The following DGKB variants were observed in gnomAD, a reference collection of about 807,000 sequenced individuals.
DGKB encodes the protein 90 kDa diacylglycerol kinase.
A neutral mutation model predicts 114.3 loss-of-function variants in DGKB; 67 were observed. The ratio of observed to expected loss-of-function variants is 0.59; its 90% CI spans 0.48 to 0.72. The LOEUF is 0.72. DGKB is among the 30% of genes least tolerant of loss of function. DGKB has a pLI of 0.00. For missense variants in DGKB, 907 were observed against 975.2 expected (o/e 0.93, Z 0.93); for synonymous variants, 398 against 323.1 (o/e 1.23, Z -2.49).
intron 21 of DGKB, among the ~76,000 whole-genome samples, chr7:14,400,804 A>G (rs561871031): frequency 2.0e-5 from 3 of 151,878 alleles, no homozygotes; most frequent in African/African-American, 7.2e-5. Flanking sequence ...TATATGTGTT[A>G]TAAGTATCTT....
chr7:14,238,097 T>C (rs1295387064), intron 23 of DGKB, among the ~76,000 whole-genome samples: 1 of 152,046 alleles, frequency 6.6e-6, no homozygotes, highest in Non-Finnish European at 1.5e-5. Context: ...TCATAACCCT[T>C]TTATCAGAAA....
intron 21 of DGKB, among the ~76,000 whole-genome samples, chr7:14,434,379 G>A (rs1583910409): frequency 6.6e-6 from 1 of 152,152 alleles, no homozygotes; most frequent in South Asian, 2.1e-4. Flanking sequence ...GAATTTTCCA[G>A]GTGAGCCAAA....
chr7:14,550,104 T>C (rs745691894), intron 20 of DGKB, among the ~76,000 whole-genome samples: 28 of 152,164 alleles, frequency 1.8e-4, no homozygotes, highest in Admixed American at 5.9e-4. Context: ...AATTCTAGTT[T>C]GGGGTTTTAA....
At position 14,676,177 on chromosome 7, in the gene DGKB, A is replaced by AT. The variant is rs902747351; in HGVS notation, c.1036-3151dup. ...ATACAATAGAATTCAAAAGCTACAAATTTTTTTTCTTTAAGATACTGGTAA... is the reference window on the plus strand; with the variant it reads ...ATACAATAGAATTCAAAAGCTACAAATTTTTTTTTCTTTAAGATACTGGTAA... On this transcript the variant is annotated intron_variant, in intron 12 of 25. Transcript: ENST00000402815. Among the ~76,000 whole-genome samples, 5 of 151,896 alleles carry AT rather than the reference A, an allele frequency of 3.3e-5. 1 individual carries two copies. Among genetic ancestry groups the AT allele is most frequent in the East Asian group, 1.9e-4 (1 of 5,176 alleles).
intron 21 of DGKB, among the ~76,000 whole-genome samples, chr7:14,468,694 T>C (rs191247362): frequency 6.6e-6 from 1 of 151,870 alleles, no homozygotes; most frequent in Non-Finnish European, 1.5e-5. Context: ...CAACAATGAG[T>C]AGAAATTTTT....
chr7:14,351,254 G>A (rs959634813), intron 21 of DGKB, among the ~76,000 whole-genome samples: 5 of 152,162 alleles, frequency 3.3e-5, no homozygotes, highest in East Asian at 1.9e-4. Context: ...ATTCCTAAAC[G>A]TAGTGAGGTA....
chr7:14,157,678 A>G (rs189068740), intron 25 of DGKB, among the ~76,000 whole-genome samples: 2 of 152,276 alleles, frequency 1.3e-5, no homozygotes, highest in Admixed American at 6.5e-5. Context: ...TTCATTCCAA[A>G]ATATTTTTGT....
At chr7:14,954,211 TC>T (rs1381801631) in intron 1 of DGKB, among the ~76,000 whole-genome samples, 1 of 152,044 alleles carries the variant, frequency 6.6e-6, no homozygotes, top group African/African-American at 2.4e-5. Context: ...AATGGTTCAT[TC>T]CGTGCTGAGA....
At chr7:14,813,935 G>A (rs988376773) in intron 2 of DGKB, among the ~76,000 whole-genome samples, 24 of 151,810 alleles carry the variant, frequency 1.6e-4, no homozygotes, top group Non-Finnish European at 4.4e-5. Context: ...CTATTCTATC[G>A]CCATATTTTA....
Position 14,769,070 on chromosome 7 carries a change from TA to T in DGKB, c.71-11340del, listed in dbSNP as rs1554265601. Among the ~76,000 whole-genome samples the T allele has an allele frequency of 1.1e-3, 90 of 84,304 alleles. 1 individual carries two copies. Among genetic ancestry groups the T allele is most frequent in the African/African-American group, 4.2e-3 (85 of 20,458 alleles). 55.3% of individuals were successfully genotyped at this position (84,304 alleles called of 152,430 possible). On this transcript the variant is annotated intron_variant, in intron 2 of 25. Transcript: ENST00000402815. ...TACACTGTGTAAACATTTTTAAAGATAAGAAAGAAAGAAAGAAAGAAAGAAA... is the reference window on the plus strand; with the variant it reads ...TACACTGTGTAAACATTTTTAAAGATAGAAAGAAAGAAAGAAAGAAAGAAA...
intron 1 of DGKB, among the ~76,000 whole-genome samples, chr7:14,969,148 G>A (rs548792036): frequency 6.6e-6 from 1 of 152,244 alleles, no homozygotes; most frequent in Non-Finnish European, 1.5e-5. Context: ...TGATATTACC[G>A]TCTGTCAGTT....
At chr7:14,600,096 G>T (rs373483222) in intron 17 of DGKB, among the ~76,000 whole-genome samples, 1 of 152,230 alleles carries the variant, frequency 6.6e-6, no homozygotes, top group Admixed American at 6.5e-5. Flanking sequence ...CAGATTTGTT[G>T]TCTGGTAAGG....
chr7:14,379,264 TTTC>T (rs1320984125), intron 21 of DGKB, among the ~76,000 whole-genome samples: 4 of 152,196 alleles, frequency 2.6e-5, no homozygotes. Context: ...AGAGCTCCCA[TTTC>T]TTTTCATCAT....
At chr7:14,759,767 T>G (rs1835417077) in intron 2 of DGKB, among the ~76,000 whole-genome samples, 1 of 152,190 alleles carries the variant, frequency 6.6e-6, no homozygotes, top group Non-Finnish European at 1.5e-5. Flanking sequence ...CTCTTGGCTA[T>G]ATACCTGATA....
intron 23 of DGKB, among the ~76,000 whole-genome samples, chr7:14,264,895 G>T (rs1797264491): frequency 1.3e-5 from 2 of 152,134 alleles, no homozygotes; most frequent in Non-Finnish European, 2.9e-5. Context: ...CTACTAAAAT[G>T]TGTGAAGGGT....
intron 1 of DGKB, among the ~76,000 whole-genome samples, chr7:14,917,601 A>G (rs556089947): frequency 5.9e-5 from 9 of 152,200 alleles, no homozygotes; most frequent in African/African-American, 1.9e-4. Flanking sequence ...AAATAGGCTT[A>G]TATTTACTAA....
At chr7:14,769,758 T>C (rs904959893) in intron 2 of DGKB, among the ~76,000 whole-genome samples, 1 of 151,958 alleles carries the variant, frequency 6.6e-6, no homozygotes, top group East Asian at 1.9e-4. Flanking sequence ...TCTCCTCTAG[T>C]TTCTGGTGGC....
intron 20 of DGKB, among the ~76,000 whole-genome samples, chr7:14,526,374 A>G (rs762591822): frequency 1.3e-5 from 2 of 152,140 alleles, no homozygotes; most frequent in Non-Finnish European, 2.9e-5. Context: ...GTCTCTGAAC[A>G]TTGCCAGAGA....
At chr7:14,810,659 A>G (rs1174938044) in intron 2 of DGKB, among the ~76,000 whole-genome samples, 1 of 152,052 alleles carries the variant, frequency 6.6e-6, no homozygotes, top group Non-Finnish European at 1.5e-5. Flanking sequence ...GTGCAGTGGC[A>G]CAATCTTGGC....
Sources: gnomAD v4.1 joint callset for allele counts (sites outside exome capture counted in the v4.1 genomes callset) on GRCh38, gnomAD v4.1.1 for gene constraint, MANE v1.5 for transcripts, NCBI Gene and HGNC (gene_info 2026-07-23, HGNC 2026-07-21) for gene names.